The following ARL2 variants were observed in gnomAD, a reference collection of about 807,000 sequenced individuals.
The protein encoded by ARL2 is ADP-ribosylation factor-like protein 2.
ARL2 carries 11 observed loss-of-function variants against 22.0 expected under a neutral mutation model. The ratio of observed to expected loss-of-function variants is 0.50; its 90% CI spans 0.31 to 0.83. The LOEUF (loss-of-function observed/expected upper bound fraction) is 0.83. ARL2 is among the 40% of genes least tolerant of loss of function. The pLI is 0.04. For synonymous variants in ARL2, 111 were observed against 100.8 expected (o/e 1.10, Z -0.61); for missense variants, 216 against 243.2 (o/e 0.89, Z 0.74).
intron 4 of ARL2, 195 bp downstream of exon 4, chr11:65,020,694 C>T (rs1946317412): frequency 1.7e-6 from 1 of 575,556 alleles, no homozygotes; most frequent in Admixed American, 3.2e-5. Flanking sequence ...CATGATGAAA[C>T]CCCGTCTGTA....
intron 1 of ARL2, among the ~76,000 whole-genome samples, chr11:65,014,681 G>C (rs967834556): frequency 6.6e-6 from 1 of 152,228 alleles, no homozygotes; most frequent in Non-Finnish European, 1.5e-5. Flanking sequence ...GGCGTGCGGG[G>C]TGGCGGGTGG....
intron 1 of ARL2, 59 bp downstream of exon 1, chr11:65,014,331 C>T (rs756468425): frequency 2.8e-5 from 40 of 1,435,408 alleles, no homozygotes; most frequent in Non-Finnish European, 3.6e-5. Context: ...CAGGCGGTGC[C>T]GGGCGCCCCC....
chr11:65,020,338 C>A, intron 3 of ARL2, 81 bp from the exon 4 acceptor site: 2 of 1,216,520 alleles, frequency 1.6e-6, no homozygotes, highest in Non-Finnish European at 2.4e-6. Flanking sequence ...GATCCTTCAC[C>A]CCAGATGCTC....
In ARL2 at chr11:65,021,676, G is replaced by A. The variant is rs1256351221; in HGVS notation, c.421-45G>A. On this transcript the variant is annotated intron_variant, in intron 4 of 4. Transcript: ENST00000246747. ...AGGGAAGGGGCTGACGGCAGGCAGG[G>A]TCTGCAGTCACTGGCCACCACCATC... The A allele has an allele frequency of 8.3e-6, 13 of 1,563,778 alleles. No homozygotes were observed. In the East Asian group the frequency reaches 2.5e-4, roughly 30 times the overall value.
In ARL2 at chr11:65,014,215, T is replaced by G. The variant is rs1946219314; in HGVS notation, c.8T>G (p.Leu3Arg). 1 of 1,573,062 alleles carries G rather than the reference T, an allele frequency of 6.4e-7. No homozygotes were observed. The highest frequency in any genetic ancestry group is 8.6e-7 in the Non-Finnish European group (1 of 1,163,470). The change falls in exon 1 of 5, where the codon CTC becomes CGC. Residue 3 changes from leucine (L) to arginine (R), a missense_variant. Coordinates refer to ENST00000246747, the MANE Select transcript of ARL2 (RefSeq NM_001667.4). ...GAGGGGGCTCCGGGGACCATGGGGC[T>G]CCTGACCATTCTGAAGAAGATGAAG... MG[L>R]LTILKKMKQK... is the part of the protein sequence containing the mutation.
intron 1 of ARL2, among the ~76,000 whole-genome samples, chr11:65,014,809 CGTGCGCCCT>C (rs1946230468): frequency 1.3e-5 from 2 of 152,248 alleles, no homozygotes; most frequent in African/African-American, 4.8e-5. Context: ...CCGAGTGTCC[CGTGCGCCCT>C]GTGCGCCTTC....
Position 65,018,099 on chromosome 11 carries a change from C to G in ARL2, c.66-265C>G, listed in dbSNP as rs1297969242. On this transcript the variant is annotated intron_variant, in intron 1 of 4. Transcript: ENST00000246747. This position sits in a 1 kb window ranked among gnomAD's most constrained non-coding sequence, Gnocchi z 4.2. The stretch of plus-strand genomic sequence containing the variant: ...GACTGTCTTCCCGCTAGAGTGTAAG[C>G]TTCCTAAGGGCAGGGCTTTGTCCTC... Among the ~76,000 whole-genome samples, 1 of 152,226 alleles carries G rather than the reference C, an allele frequency of 6.6e-6. No homozygotes were observed. Among genetic ancestry groups the G allele is most frequent in the African/African-American group, 2.4e-5 (1 of 41,460 alleles).
At chr11:65,017,672 A>G (rs1239249478) in intron 1 of ARL2, among the ~76,000 whole-genome samples, 5 of 152,124 alleles carry the variant, frequency 3.3e-5, no homozygotes, top group Non-Finnish European at 5.9e-5. Flanking sequence ...TCCTGGGCCT[A>G]GGTCATTTGC....
chr11:65,021,276 A>G (rs992505568), intron 4 of ARL2, among the ~76,000 whole-genome samples: 1 of 152,216 alleles, frequency 6.6e-6, no homozygotes, highest in African/African-American at 2.4e-5. Context: ...CAAGCACCAC[A>G]GTGAGAAAGA....
At chr11:65,016,268 C>CG (rs59272641) in intron 1 of ARL2, among the ~76,000 whole-genome samples, 6,378 of 78,652 alleles carry the variant, frequency 0.081, 212 homozygotes, top group South Asian at 0.11. Flanking sequence ...TATAGCAATT[C>CG]GGGGGGGGGG....
chr11:65,021,742 C>G lies in ARL2; in HGVS notation c.442C>G (p.Arg148Gly), dbSNP rs375384323. 23 of 1,607,106 alleles carry G rather than the reference C, an allele frequency of 1.4e-5. No individual in the cohort carries two copies. Among genetic ancestry groups the G allele is most frequent in the Non-Finnish European group, 2.0e-5 (23 of 1,177,052 alleles). The change falls in exon 5 of 5, where the codon CGC (arginine) becomes GGC (glycine). Residue 148 changes from arginine to glycine, a missense_variant. Transcript: ENST00000246747. ...IREVLELDSI[R>G]SHHWCIQGCS... ...CCAGGTCCTGGAGCTGGACTCCATCCGCAGCCACCACTGGTGCATCCAGGG... is the reference window on the plus strand; with the variant it reads ...CCAGGTCCTGGAGCTGGACTCCATCGGCAGCCACCACTGGTGCATCCAGGG...
In ARL2 at chr11:65,018,463, G is replaced by C; in HGVS notation, c.165G>C (p.Leu55=). 6.2e-7 allele frequency: 1 copy of C among 1,607,466 alleles called. No individual in the cohort carries two copies. Among genetic ancestry groups the C allele is most frequent in the Non-Finnish European group, 8.5e-7 (1 of 1,177,246 alleles). ...CGCTGGGCTTCAACATCAAGACCCT[G>C]GAGCACCGAGGGTGAGCAGGGGCCC... is the stretch of plus-strand genomic sequence containing the variant. ...SPTLGFNIKT[L]EHRGFKLNIW... Residue 55 remains leucine (L), a synonymous_variant, in exon 2 of 5, where the codon CTG becomes CTC. Transcript: ENST00000246747. This position sits in a 1 kb window ranked among gnomAD's most constrained non-coding sequence, Gnocchi z 4.2.
At position 65,014,535 on chromosome 11, in the gene ARL2, G is replaced by A. The variant is rs1353541639; in HGVS notation, c.65+263G>A. On this transcript the variant is annotated intron_variant, in intron 1 of 4. Transcript: ENST00000246747. ...GCGGCCCGAGTGTCAGGGGTGGTGG[G>A]TCCCGGAGATAACTCGGACGCCACC... 4.6e-5 allele frequency among the ~76,000 whole-genome samples: 7 copies of A among 152,304 alleles called. No homozygotes were observed. The South Asian group carries it at 1.4e-3, about 32-fold the overall frequency.
intron 1 of ARL2, among the ~76,000 whole-genome samples, 181 bp downstream of exon 1, chr11:65,014,453 C>T (rs1946224049): frequency 6.6e-6 from 1 of 152,150 alleles, no homozygotes; most frequent in Non-Finnish European, 1.5e-5. Context: ...AGGACTGGGG[C>T]AGGGGCCAGC....
chr11:65,021,974 G>A lies in ARL2; in HGVS notation c.*119G>A. ...CACTCCCCCTCCTCCACCCCAGCCT[G>A]CTGCTGCTACTGCTGCCCGCTGCTG... On this transcript the variant is annotated 3_prime_UTR_variant, in exon 5 of 5. Transcript: ENST00000246747. 1 of 1,400,382 alleles carries A rather than the reference G, an allele frequency of 7.1e-7. No individual in the cohort carries two copies. The highest frequency in any genetic ancestry group is 9.6e-7 in the Non-Finnish European group (1 of 1,038,526). 86.7% of individuals were successfully genotyped at this position (1,400,382 alleles called of 1,614,324 possible). A position where few individuals can be genotyped will look rare whatever the true frequency, so the allele number is the denominator to read the frequency against.
In ARL2 at chr11:65,018,029, C is replaced by T. The variant is rs73477027; in HGVS notation, c.66-335C>T. Among the ~76,000 whole-genome samples the T allele has an allele frequency of 9.8e-3, 1,493 of 152,280 alleles. 29 individuals are homozygous for T. The highest frequency in any genetic ancestry group is 0.033 in the African/African-American group (1,363 of 41,528). On this transcript the variant is annotated intron_variant, in intron 1 of 4. Coordinates refer to ENST00000246747, the MANE Select transcript of ARL2 (RefSeq NM_001667.4). The surrounding 1 kb of genome is among the most constrained non-coding windows in gnomAD (Gnocchi z 4.2). ...TCTCTGTTGTGTTGATGGCGCTAGC[C>T]GGGATCTGGCAGGGCCTTCTTTTCT...
In ARL2 at chr11:65,021,917, A is replaced by C; in HGVS notation, c.*62A>C. The C allele has an allele frequency of 2.6e-6, 4 of 1,567,858 alleles. No individual in the cohort carries two copies. The highest frequency in any genetic ancestry group is 8.7e-7 in the Non-Finnish European group (1 of 1,154,722). On this transcript the variant is annotated 3_prime_UTR_variant, in exon 5 of 5. Transcript: ENST00000246747. ...CCTCAACCTTCACCAAACACTACCC[A>C]TGGGGGGTTGGGAGTCAGCCGGCCA... is the stretch of plus-strand genomic sequence containing the variant.
intron 1 of ARL2, among the ~76,000 whole-genome samples, chr11:65,014,713 C>T (rs370714948): frequency 4.7e-4 from 71 of 152,350 alleles, no homozygotes; most frequent in African/African-American, 1.5e-3. Flanking sequence ...TCCGCGGATC[C>T]TTTCGAGCGT....
At chr11:65,017,726 GCCCACCCCA>G in intron 1 of ARL2, among the ~76,000 whole-genome samples, 1 of 152,200 alleles carries the variant, frequency 6.6e-6, no homozygotes, top group South Asian at 2.1e-4. Flanking sequence ...TCCAGGACCC[GCCCACCCCA>G]CCATGCCCAA....
Sources: allele counts gnomAD v4.1 joint callset (sites outside exome capture counted in the v4.1 genomes callset), GRCh38; gene constraint gnomAD v4.1.1; non-coding constraint Gnocchi (gnomAD v3.1); transcripts MANE v1.5; gene names NCBI Gene and HGNC (gene_info 2026-07-23, HGNC 2026-07-21).